The following GPR26 variants were observed in gnomAD, a reference collection of about 807,000 sequenced individuals.
The protein encoded by GPR26 is G protein-coupled receptor 26.
Under a neutral mutation model 23.1 loss-of-function variants are expected in GPR26, and 15 were observed. That is an observed-to-expected ratio of 0.65 (90% CI 0.43 to 1.00). The LOEUF (loss-of-function observed/expected upper bound fraction) is 1.00, where lower values mean the gene tolerates loss of function less well. GPR26 is among the 50% of genes least tolerant of loss of function. GPR26 has a pLI of 0.00. For synonymous variants in GPR26, 228 were observed against 222.1 expected, an observed-to-expected ratio of 1.03 and a Z score of -0.24; for missense variants, 359 against 470.5, an observed-to-expected ratio of 0.76 and a Z score of 2.19.
chr10:123,696,265 G>A lies in GPR26; in HGVS notation c.*8105G>A, dbSNP rs17676917. 9.5e-3 allele frequency among the ~76,000 whole-genome samples: 1,445 copies of A among 152,288 alleles called. 12 individuals carry two copies. The highest frequency in any genetic ancestry group is 0.028 in the East Asian group (143 of 5,178). ...GGCTTTACTCTGCCCAGTGTCCAAT[G>A]GGAGAACCATCCCTTCCCTTTAGTG... On this transcript the variant is annotated 3_prime_UTR_variant, in exon 3 of 3. Transcript: ENST00000284674.
rs1466923616 is a variant in GPR26 at position 123,695,785 on chromosome 10, G to A, written c.*7625G>A. Among the ~76,000 whole-genome samples, 1 of 152,154 alleles carries A rather than the reference G, an allele frequency of 6.6e-6. No homozygotes were observed. The highest frequency in any genetic ancestry group is 1.5e-5 in the Non-Finnish European group (1 of 68,030). On this transcript the variant is annotated 3_prime_UTR_variant, in exon 3 of 3. Coordinates refer to ENST00000284674, the MANE Select transcript of GPR26 (RefSeq NM_153442.4). ...CTCTCTGCTCTAACAACCTTCGAAT[G>A]TCAAGTTCCCTTGCAAGCTGAAATT... is the stretch of plus-strand genomic sequence containing the variant.
chr10:123,688,013 C>T lies in GPR26; in HGVS notation c.867C>T (p.Ser289=), dbSNP rs1420999713. ...SKCLAYSKAA[S]DPFVYSLLRH... ...GCTTGGCGTACAGCAAGGCCGCATC[C>T]GACCCCTTTGTGTACTCCTTACTGC... Residue 289 remains serine (S), a synonymous_variant, in exon 3 of 3, where the codon TCC becomes TCT. Transcript: ENST00000284674. 8 of 1,614,006 alleles carry T rather than the reference C, an allele frequency of 5.0e-6. No individual in the cohort carries two copies. Among genetic ancestry groups the T allele is most frequent in the Non-Finnish European group, 6.8e-6 (8 of 1,179,924 alleles).
rs1444992765 is a variant in GPR26 at position 123,690,808 on chromosome 10, T to C, written c.*2648T>C. The C allele has an allele frequency of 6.6e-6, 1 of 152,246 alleles. No homozygotes were observed. The highest frequency in any genetic ancestry group is 2.4e-5 in the African/African-American group (1 of 41,460). The allele number at this position is 152,246 out of a possible 1,614,324, so 9.4% of individuals were successfully genotyped here. ...GGCTTTATTACTCCCAATTGAATTA[T>C]CTACCTCATTTTGTTAATTTAATTT... On this transcript the variant is annotated 3_prime_UTR_variant, in exon 3 of 3. Coordinates refer to ENST00000284674, the MANE Select transcript of GPR26 (RefSeq NM_153442.4).
chr10:123,670,678 C>T (rs1359716985), intron 1 of GPR26, among the ~76,000 whole-genome samples: 1 of 152,230 alleles, frequency 6.6e-6, no homozygotes, highest in Non-Finnish European at 1.5e-5. Flanking sequence ...CCCTTGCACA[C>T]TGCACGTTGC....
chr10:123,675,418 C>A (rs372192357), intron 2 of GPR26, among the ~76,000 whole-genome samples: 79 of 152,282 alleles, frequency 5.2e-4, no homozygotes, highest in African/African-American at 1.9e-3. Flanking sequence ...CTGTGTCCAG[C>A]CAGGTGGGCA....
intron 1 of GPR26, among the ~76,000 whole-genome samples, chr10:123,668,680 G>A (rs1006073740): frequency 6.6e-6 from 1 of 152,232 alleles, no homozygotes; most frequent in African/African-American, 2.4e-5. Context: ...AGAGCTGAGA[G>A]GCTCTTCCTT....
chr10:123,666,927 G>A lies in GPR26; in HGVS notation c.520G>A (p.Gly174Ser), dbSNP rs373616346. ...DERLRFAVFT[G>S]AFHALSFLLS... Reference sequence around the variant, plus strand: ...GCGCCTGCGCTTCGCCGTCTTCACTGGCGCCTTCCACGCTCTCAGCTTCCT... The same window carrying A: ...GCGCCTGCGCTTCGCCGTCTTCACTAGCGCCTTCCACGCTCTCAGCTTCCT... The change falls in exon 1 of 3, where the codon GGC becomes AGC. Residue 174 changes from glycine (G) to serine (S), a missense_variant. Physicochemically the swap from Gly to Ser is moderately conservative, Grantham distance 56. Transcript: ENST00000284674. 3.0e-5 allele frequency: 48 copies of A among 1,613,508 alleles called. No homozygotes were observed. In the South Asian group the frequency reaches 4.5e-4, roughly 15 times the overall value.
chr10:123,680,837 G>A (rs1452985491), intron 2 of GPR26, among the ~76,000 whole-genome samples: 2 of 129,264 alleles, frequency 1.5e-5, no homozygotes, highest in African/African-American at 2.9e-5. Flanking sequence ...TGGGGGGGGG[G>A]GTTGTTTTTT....
At chr10:123,671,179 C>T (rs1845245687) in intron 1 of GPR26, among the ~76,000 whole-genome samples, 3 of 152,146 alleles carry the variant, frequency 2.0e-5, no homozygotes, top group Admixed American at 2.0e-4. Context: ...GACCCTGGCC[C>T]CTTGTGGAGA....
At chr10:123,680,711 T>A (rs1297642366) in intron 2 of GPR26, among the ~76,000 whole-genome samples, 1 of 151,872 alleles carries the variant, frequency 6.6e-6, no homozygotes, top group Non-Finnish European at 1.5e-5. Flanking sequence ...GAATGTCCCT[T>A]CATTTTTAAT....
At chr10:123,673,073 A>G (rs190644116) in intron 1 of GPR26, among the ~76,000 whole-genome samples, 276 of 152,312 alleles carry the variant, frequency 1.8e-3, no homozygotes, top group Non-Finnish European at 2.9e-3. Context: ...TAATTTCTAG[A>G]AATTAATTAG....
At chr10:123,672,030 G>A (rs1251934111) in intron 1 of GPR26, among the ~76,000 whole-genome samples, 1 of 152,100 alleles carries the variant, frequency 6.6e-6, no homozygotes, top group East Asian at 1.9e-4. Context: ...TGTTTCCCTC[G>A]GAGCCTGGGG....
Position 123,691,967 on chromosome 10 carries a change from A to G in GPR26, c.*3807A>G, listed in dbSNP as rs1205310051. 2.6e-5 allele frequency: 4 copies of G among 152,172 alleles called. No individual in the cohort carries two copies. Among genetic ancestry groups the G allele is most frequent in the South Asian group, 2.1e-4 (1 of 4,824 alleles). 9.4% of individuals were successfully genotyped at this position (152,172 alleles called of 1,614,324 possible). A position where few individuals can be genotyped will look rare whatever the true frequency, so the allele number is the denominator to read the frequency against. ...AAATTGAGTGTTTCTATTAATAACT[A>G]TCTAGGTTTCAATTGTCTTGTATCT... On this transcript the variant is annotated 3_prime_UTR_variant, in exon 3 of 3. Transcript: ENST00000284674.
In GPR26 at chr10:123,690,860, T is replaced by C. The variant is rs1845484544; in HGVS notation, c.*2700T>C. The stretch of plus-strand genomic sequence containing the variant: ...TCAAAGGTAACATTGTTTTCTCAGG[T>C]ATAACACATAGAAACACCAAGATTT... On this transcript the variant is annotated 3_prime_UTR_variant, in exon 3 of 3. Coordinates refer to ENST00000284674, the MANE Select transcript of GPR26 (RefSeq NM_153442.4). The C allele has an allele frequency of 6.6e-6, 1 of 152,220 alleles. No individual in the cohort carries two copies. Among genetic ancestry groups the C allele is most frequent in the Non-Finnish European group, 1.5e-5 (1 of 68,048 alleles). 9.4% of individuals were successfully genotyped at this position (152,220 alleles called of 1,614,324 possible). A position where few individuals can be genotyped will look rare whatever the true frequency, so the allele number is the denominator to read the frequency against.
chr10:123,687,395 C>T (rs535814434), intron 2 of GPR26, among the ~76,000 whole-genome samples: 2 of 152,296 alleles, frequency 1.3e-5, no homozygotes, highest in South Asian at 2.1e-4. Context: ...ATCATTGAGA[C>T]GATATTGTCC....
At chr10:123,686,314 T>G (rs1845429852) in intron 2 of GPR26, among the ~76,000 whole-genome samples, 1 of 152,228 alleles carries the variant, frequency 6.6e-6, no homozygotes, top group African/African-American at 2.4e-5. Context: ...TAAATTCAGG[T>G]TTTTTTGTCC....
rs1187176761 is a variant in GPR26, at chr10:123,691,366, T to C, written c.*3206T>C. 1 of 152,216 alleles carries C rather than the reference T, an allele frequency of 6.6e-6. No homozygotes were observed. Among genetic ancestry groups the C allele is most frequent in the Non-Finnish European group, 1.5e-5 (1 of 68,044 alleles). The allele number at this position is 152,216 out of a possible 1,614,324, so 9.4% of individuals were successfully genotyped here. On this transcript the variant is annotated 3_prime_UTR_variant, in exon 3 of 3. Transcript: ENST00000284674. Reference sequence around the variant, plus strand: ...CACTCAGCTCAGCCTCCTGTCCCCATGAGCAATAAAACTCTCTCCTTATGT... The same window carrying C: ...CACTCAGCTCAGCCTCCTGTCCCCACGAGCAATAAAACTCTCTCCTTATGT...
chr10:123,669,387 C>T (rs1845225701), intron 1 of GPR26, among the ~76,000 whole-genome samples: 2 of 152,220 alleles, frequency 1.3e-5, no homozygotes, highest in African/African-American at 4.8e-5. Flanking sequence ...TCTATCTTGA[C>T]AGCACTAAAC....
intron 2 of GPR26, among the ~76,000 whole-genome samples, chr10:123,678,612 G>A (rs1271494759): frequency 6.6e-6 from 1 of 152,194 alleles, no homozygotes; most frequent in Non-Finnish European, 1.5e-5. Flanking sequence ...ACCTGACCTT[G>A]CCAATCCCTC....
Sources: gnomAD v4.1 joint callset for allele counts (sites outside exome capture counted in the v4.1 genomes callset) on GRCh38, gnomAD v4.1.1 for gene constraint, MANE v1.5 for transcripts, NCBI Gene and HGNC (gene_info 2026-07-23, HGNC 2026-07-21) for gene names.